The following PPIP5K1 variants were observed in gnomAD, a reference collection of about 807,000 sequenced individuals.
PPIP5K1 encodes inositol hexakisphosphate and diphosphoinositol-pentakisphosphate kinase 1.
PPIP5K1 carries 6 observed loss-of-function variants against 27.7 expected under a neutral mutation model. The observed-to-expected ratio is 0.22, with a 90% CI of 0.12 to 0.43. The LOEUF (loss-of-function observed/expected upper bound fraction) is 0.43, where lower values mean the gene tolerates loss of function less well. Ranked by LOEUF, PPIP5K1 falls within the 20% of genes least tolerant of loss-of-function variation. PPIP5K1 has a pLI of 1.00. For synonymous variants in PPIP5K1, 145 were observed against 242.6 expected (o/e 0.60, Z 3.74); for missense variants, 394 against 635.4 (o/e 0.62, Z 4.08).
chr15:43,541,590 G>A (rs976769888), intron 30 of PPIP5K1, among the ~76,000 whole-genome samples: 7 of 152,022 alleles, frequency 4.6e-5, no homozygotes, highest in South Asian at 2.1e-4. Context: ...GGTGGTGGGC[G>A]CCTGTAATCT....
At position 43,535,259 on chromosome 15, in the gene PPIP5K1, G is replaced by A. The variant is rs1253121792; in HGVS notation, c.3888C>T (p.Ser1296=). The stretch of plus-strand genomic sequence containing the variant: ...TGGTTTCCATAGGTGGCACCTGTGG[G>A]GACTGATTTGGTTCAAAAAGCTCTT... ...GEQELFEPNQ[S]PQVPPMETSQ... Residue 1296 remains serine, a synonymous_variant, in exon 32 of 32, where the codon TCC becomes TCT. Coordinates refer to ENST00000420765, the MANE Select transcript of PPIP5K1 (RefSeq NM_001394395.1). The A allele has an allele frequency of 3.7e-6, 6 of 1,614,156 alleles. No individual in the cohort carries two copies. Among genetic ancestry groups the A allele is most frequent in the Non-Finnish European group, 5.1e-6 (6 of 1,180,028 alleles).
At chr15:43,539,166 G>A (rs1026937856) in intron 31 of PPIP5K1, among the ~76,000 whole-genome samples, 3 of 150,954 alleles carry the variant, frequency 2.0e-5, no homozygotes, top group African/African-American at 7.4e-5. Context: ...AGCCAAGATC[G>A]TGCCTGGGCA....
chr15:43,550,144 T>C (rs998703011), intron 30 of PPIP5K1, among the ~76,000 whole-genome samples: 3 of 147,620 alleles, frequency 2.0e-5, no homozygotes, highest in Admixed American at 6.8e-5. Context: ...TTTTTCTTTC[T>C]TTTTTTTTTG....
chr15:43,565,810 A>G (rs1471333318), intron 26 of PPIP5K1, among the ~76,000 whole-genome samples: 2 of 40,694 alleles, frequency 4.9e-5, no homozygotes, highest in Non-Finnish European at 8.7e-5. Flanking sequence ...TTGGCCTCCC[A>G]TAGTGCTGGG....
intron 10 of PPIP5K1, among the ~76,000 whole-genome samples, chr15:43,580,705 C>T (rs1344847536): frequency 1.3e-5 from 1 of 77,886 alleles, no homozygotes; most frequent in Non-Finnish European, 2.2e-5. Flanking sequence ...AGCGATTCTC[C>T]TGCCGCAGCC....
intron 30 of PPIP5K1, among the ~76,000 whole-genome samples, chr15:43,541,442 C>G (rs1207929337): frequency 6.6e-6 from 1 of 151,972 alleles, no homozygotes; most frequent in African/African-American, 2.4e-5. Flanking sequence ...GAAGGTCAGG[C>G]ACGGTGGCTC....
chr15:43,545,486 T>C (rs1446225058), intron 30 of PPIP5K1, among the ~76,000 whole-genome samples: 1 of 150,998 alleles, frequency 6.6e-6, no homozygotes, highest in Admixed American at 6.6e-5. Flanking sequence ...TTTTTTTTTT[T>C]TTTTTTTTAG....
chr15:43,545,769 A>ATTTTTT (rs926352795), intron 30 of PPIP5K1, among the ~76,000 whole-genome samples: 1 of 151,908 alleles, frequency 6.6e-6, no homozygotes, highest in African/African-American at 2.4e-5. Context: ...GCATGGTTTA[A>ATTTTTT]TTTTTTTTAT....
At chr15:43,536,432 A>G (rs895187826) in intron 31 of PPIP5K1, among the ~76,000 whole-genome samples, 21 of 152,140 alleles carry the variant, frequency 1.4e-4, no homozygotes, top group East Asian at 1.9e-4. Context: ...AAAAAAAAAA[A>G]AAAGAAAATA....
Position 43,558,789 on chromosome 15 carries a change from C to T in PPIP5K1, c.3556+6G>A. On this transcript the variant is annotated splice_donor_region_variant and intron_variant, in intron 30 of 31. Transcript: ENST00000420765. ...GAGAAGGGTAAAAAAATAAGAATAT[C>T]CCTACCTGCAGATGCCTGTGCCTGG... 1 of 1,613,636 alleles carries T rather than the reference C, an allele frequency of 6.2e-7. No individual in the cohort carries two copies. The highest frequency in any genetic ancestry group is 8.5e-7 in the Non-Finnish European group (1 of 1,180,006).
chr15:43,546,283 A>G (rs2081357982), intron 30 of PPIP5K1, among the ~76,000 whole-genome samples: 2 of 152,122 alleles, frequency 1.3e-5, no homozygotes, highest in Admixed American at 1.3e-4. Flanking sequence ...CTATTCATTG[A>G]CATTTCAGTT....
At chr15:43,558,457 ACCTCGTGATCCACCCGCCTAGC>A (rs1306551862) in intron 30 of PPIP5K1, among the ~76,000 whole-genome samples, 1 of 151,904 alleles carries the variant, frequency 6.6e-6, no homozygotes, top group African/African-American at 2.4e-5. Flanking sequence ...CCATCACTTG[ACCTCGTGATCCACCCGCCTAGC>A]CCTCCCAAAG....
At chr15:43,550,529 A>G (rs972188548) in intron 30 of PPIP5K1, among the ~76,000 whole-genome samples, 3 of 151,916 alleles carry the variant, frequency 2.0e-5, no homozygotes, top group African/African-American at 4.8e-5. Context: ...TTCTTTTGAG[A>G]CTTCTTTGTG....
rs182291325 is a variant in PPIP5K1, at chr15:43,550,138, T to C, written c.3556+8657A>G. Reference sequence around the variant, plus strand: ...TTTTTGTGAGTTGATCTTTCTTTTTTCTTTCTTTTTTTTTTGAGACAGGGT... The same window carrying C: ...TTTTTGTGAGTTGATCTTTCTTTTTCCTTTCTTTTTTTTTTGAGACAGGGT... On this transcript the variant is annotated intron_variant, in intron 30 of 31. Coordinates refer to ENST00000420765, the MANE Select transcript of PPIP5K1 (RefSeq NM_001394395.1). Among the ~76,000 whole-genome samples, 41 of 152,018 alleles carry C rather than the reference T, an allele frequency of 2.7e-4. No individual in the cohort carries two copies. The East Asian group carries it at 5.6e-3, about 21-fold the overall frequency.
In PPIP5K1 at chr15:43,534,847, C is replaced by T. The variant is rs970969432; in HGVS notation, c.4300G>A (p.Glu1434Lys). ...EVGSPAEEIP[E>K]EVIQPYQEFS... Reference sequence around the variant, plus strand: ...TCCTGGTATGGCTGGATGACCTCCTCAGGGATCTCTTCAGCTGGGCTGCCA... The same window carrying T: ...TCCTGGTATGGCTGGATGACCTCCTTAGGGATCTCTTCAGCTGGGCTGCCA... The change falls in exon 32 of 32, where the codon GAG becomes AAG. Residue 1434 changes from glutamate (E) to lysine (K), a missense_variant. Glu to Lys is a moderately conservative substitution (Grantham distance 56). Around this residue, in one of 4 missense-constraint regions of PPIP5K1, gnomAD observed 379 missense variants for 423.9 expected, o/e 0.89. Coordinates refer to ENST00000420765, the MANE Select transcript of PPIP5K1 (RefSeq NM_001394395.1). The T allele has an allele frequency of 5.6e-6, 9 of 1,613,594 alleles. No homozygotes were observed. Among genetic ancestry groups the T allele is most frequent in the South Asian group, 1.1e-5 (1 of 91,026 alleles).
chr15:43,539,388 ACCT>A, intron 31 of PPIP5K1, 79 bp downstream of exon 31: 1 of 1,018,270 alleles, frequency 9.8e-7, no homozygotes, highest in Non-Finnish European at 1.5e-6. Flanking sequence ...ACCTTCTTTG[ACCT>A]CATGCAACAG....
chr15:43,540,704 A>G (rs1209287659), intron 30 of PPIP5K1, among the ~76,000 whole-genome samples: 1 of 151,104 alleles, frequency 6.6e-6, no homozygotes, highest in Admixed American at 6.6e-5. Flanking sequence ...CTCAAAAAAA[A>G]AAAAAATTAG....
chr15:43,579,694 C>A, intron 10 of PPIP5K1, among the ~76,000 whole-genome samples: 1 of 15,140 alleles, frequency 6.6e-5, no homozygotes, highest in Non-Finnish European at 8.6e-5. Context: ...TAGAGTTTCA[C>A]TCTTGTTGCC....
At chr15:43,546,860 T>C (rs1305068685) in intron 30 of PPIP5K1, among the ~76,000 whole-genome samples, 1 of 151,980 alleles carries the variant, frequency 6.6e-6, no homozygotes, top group African/African-American at 2.4e-5. Flanking sequence ...GGTTTCACCA[T>C]GTTGCCCAGG....
Sources: allele counts gnomAD v4.1 joint callset (sites outside exome capture counted in the v4.1 genomes callset), GRCh38; gene constraint gnomAD v4.1.1; regional missense constraint gnomAD v4.1.1; transcripts MANE v1.5; gene names NCBI Gene and HGNC (gene_info 2026-07-23, HGNC 2026-07-21).